ZNF469: variants seen among roughly 807,000 people sequenced by gnomAD.
ZNF469 encodes the protein zinc finger protein 469.
ZNF469 carries 1 observed loss-of-function variant against 1.0 expected under a neutral mutation model. The observed-to-expected ratio is 1.00, with a 90% CI of 0.35 to 4.73. ZNF469 has a LOEUF of 4.73. ZNF469 is among the 30% of genes most tolerant of loss of function. The pLI is 0.16. For synonymous variants in ZNF469, 2,703 were observed against 2,363.4 expected (o/e 1.14, Z -4.17); for missense variants, 6,100 against 5,356.3 (o/e 1.14, Z -4.33).
intron 1 of ZNF469, among the ~76,000 whole-genome samples, chr16:88,407,774 C>T (rs528712714): frequency 3.4e-4 from 52 of 152,374 alleles, no homozygotes; most frequent in African/African-American, 1.1e-3. Context: ...AGTGCTCAGA[C>T]GCTGCCTTCT....
rs1222718768 is a variant in ZNF469 at position 88,439,434 on chromosome 16, T to G, written c.*102T>G. 2 of 1,291,172 alleles carry G rather than the reference T, an allele frequency of 1.5e-6. No individual in the cohort carries two copies. Among genetic ancestry groups the G allele is most frequent in the African/African-American group, 3.0e-5 (2 of 67,708 alleles). 80.0% of individuals were successfully genotyped at this position (1,291,172 alleles called of 1,614,324 possible). The stretch of plus-strand genomic sequence containing the variant: ...TGAGATGGTCCACTCTGTGGCCACT[T>G]GACTTCTTGTGCAACTGCTCAGGCC... On this transcript the variant is annotated 3_prime_UTR_variant, in exon 3 of 3. Transcript: ENST00000565624.
chr16:88,247,530 G>A, the ZNF469 span, among the ~76,000 whole-genome samples: 3 of 152,182 alleles, frequency 2.0e-5, no homozygotes, highest in East Asian at 5.8e-4. Flanking sequence ...GTGAATGAGT[G>A]AGTGAGTGAA....
chr16:88,242,423 T>C, the ZNF469 span, among the ~76,000 whole-genome samples: 75,569 of 151,940 alleles, frequency 0.5, 21,669 homozygotes, highest in African/African-American at 0.78. Flanking sequence ...CGCCTTCTCC[T>C]TGTGACCTCA....
chr16:88,237,677 C>G, the ZNF469 span, among the ~76,000 whole-genome samples: 1 of 27,460 alleles, frequency 3.6e-5, no homozygotes, highest in Non-Finnish European at 8.9e-5. Flanking sequence ...GCTCCTGCCA[C>G]TCACCCTCCC....
At chr16:88,359,743 C>T in the ZNF469 span, among the ~76,000 whole-genome samples, 1 of 152,194 alleles carries the variant, frequency 6.6e-6, no homozygotes, top group Non-Finnish European at 1.5e-5. Flanking sequence ...TACATTATTT[C>T]TTCTTTCTTC....
chr16:88,128,681 T>C, the ZNF469 span, among the ~76,000 whole-genome samples: 2 of 152,236 alleles, frequency 1.3e-5, no homozygotes, highest in Non-Finnish European at 2.9e-5. Flanking sequence ...CTGCTCCCCA[T>C]GACGCTTTGG....
intron 1 of ZNF469, among the ~76,000 whole-genome samples, chr16:88,392,401 G>A (rs6500477): frequency 0.12 from 17,902 of 152,254 alleles, 1,297 homozygotes; most frequent in African/African-American, 0.2. Flanking sequence ...GCCTTCTCAC[G>A]CCTGACAGCC....
the ZNF469 span, among the ~76,000 whole-genome samples, chr16:88,160,752 C>T: frequency 2.0e-5 from 3 of 152,310 alleles, no homozygotes; most frequent in South Asian, 6.2e-4. Context: ...TGCTGCCCGG[C>T]TCTGACATTG....
intron 1 of ZNF469, among the ~76,000 whole-genome samples, chr16:88,396,539 C>T (rs74032810): frequency 0.091 from 13,343 of 147,406 alleles, 467 homozygotes; most frequent in African/African-American, 0.12. Context: ...GAAGGGAGGC[C>T]GGGAGGAGAC....
At position 88,434,956 on chromosome 16, in the gene ZNF469, C is replaced by G; in HGVS notation, c.7486C>G (p.Arg2496Gly). The part of the protein sequence containing the change: ...GLSRHKARKH[R>G]PHPGAPAEPS... ...GAGCCGGCACAAGGCCAGGAAGCAC[C>G]GGCCACACCCGGGAGCCCCCGCGGA... The change falls in exon 3 of 3, where the codon CGG (arginine) becomes GGG (glycine). Residue 2496 changes from arginine to glycine, a missense_variant. Arg to Gly is a moderately radical substitution (Grantham distance 125, BLOSUM62 -2). Transcript: ENST00000565624. 6.5e-7 allele frequency: 1 copy of G among 1,549,850 alleles called. No homozygotes were observed. The highest frequency in any genetic ancestry group is 8.7e-7 in the Non-Finnish European group (1 of 1,146,842).
the ZNF469 span, among the ~76,000 whole-genome samples, chr16:88,280,243 C>T: frequency 6.6e-6 from 1 of 151,642 alleles, no homozygotes; most frequent in Admixed American, 6.6e-5. Flanking sequence ...CCCTGACGCT[C>T]AGTCAGTACT....
chr16:88,434,049 G>A lies in ZNF469; in HGVS notation c.6579G>A (p.Pro2193=), dbSNP rs572828624. 6.5e-5 allele frequency: 100 copies of A among 1,550,280 alleles called. No individual in the cohort carries two copies. The East Asian group carries it at 7.6e-4, about 12-fold the overall frequency. ...ATTDTGAEDS[P]VAPPSLTTSP... ...CAGATACTGGGGCTGAGGATTCCCCGGTGGCTCCCCCGTCTTTGACAACAA... is the reference window on the plus strand; with the variant it reads ...CAGATACTGGGGCTGAGGATTCCCCAGTGGCTCCCCCGTCTTTGACAACAA... The change falls in exon 3 of 3, where the codon CCG becomes CCA. Residue 2193 remains proline, a synonymous_variant. Coordinates refer to ENST00000565624, the MANE Select transcript of ZNF469 (RefSeq NM_001367624.2).
At chr16:88,383,658 T>C (rs1294324401) in intron 1 of ZNF469, among the ~76,000 whole-genome samples, 1 of 150,568 alleles carries the variant, frequency 6.6e-6, no homozygotes, top group Non-Finnish European at 1.5e-5. Context: ...GGCCGCCCCA[T>C]TCATCGCGGA....
Position 88,430,259 on chromosome 16 carries a change from G to T in ZNF469, c.2789G>T (p.Gly930Val), listed in dbSNP as rs564654481. 1 of 1,522,870 alleles carries T rather than the reference G, an allele frequency of 6.6e-7. No individual in the cohort carries two copies. The allele number at this position is 1,522,870 out of a possible 1,614,324, so 94.3% of individuals were successfully genotyped here. A position where few individuals can be genotyped will look rare whatever the true frequency, so the allele number is the denominator to read the frequency against. Reference sequence around the variant, plus strand: ...GGCAGGCCCAAAACGCGTTCCCTGGGTCTGGCCCCCACCGAGGCGGATGCG... The same window carrying T: ...GGCAGGCCCAAAACGCGTTCCCTGGTTCTGGCCCCCACCGAGGCGGATGCG... Reference protein sequence around the residue: ...ARGRPKTRSLGLAPTEADAPS... With the variant: ...ARGRPKTRSLVLAPTEADAPS... The change falls in exon 3 of 3, where the codon GGT becomes GTT. Residue 930 changes from glycine to valine, a missense_variant. By Grantham distance (109) the Gly-to-Val change is moderately radical. Coordinates refer to ENST00000565624, the MANE Select transcript of ZNF469 (RefSeq NM_001367624.2).
At chr16:88,214,503 A>T in the ZNF469 span, among the ~76,000 whole-genome samples, 2 of 150,436 alleles carry the variant, frequency 1.3e-5, no homozygotes, top group Non-Finnish European at 3.0e-5. Flanking sequence ...GTTTTATTTT[A>T]GTTCTTTATT....
Position 88,430,391 on chromosome 16 carries a change from G to C in ZNF469, c.2921G>C (p.Arg974Thr). 2 of 1,518,318 alleles carry C rather than the reference G, an allele frequency of 1.3e-6. No individual in the cohort carries two copies. The highest frequency in any genetic ancestry group is 1.8e-6 in the Non-Finnish European group (2 of 1,137,006). The allele number at this position is 1,518,318 out of a possible 1,614,324, so 94.1% of individuals were successfully genotyped here. ...AEGSGSGGGG[R>T]ASGLRPRRND... ...GGGTCGGGGTCGGGCGGCGGCGGCA[G>C]AGCCTCCGGCCTGAGGCCCCGGAGG... The change falls in exon 3 of 3, where the codon AGA becomes ACA. Residue 974 changes from arginine to threonine, a missense_variant. Coordinates refer to ENST00000565624, the MANE Select transcript of ZNF469 (RefSeq NM_001367624.2).
At chr16:88,118,009 C>A in the ZNF469 span, among the ~76,000 whole-genome samples, 1 of 152,254 alleles carries the variant, frequency 6.6e-6, no homozygotes, top group African/African-American at 2.4e-5. Context: ...GTGGCACGAT[C>A]TCATCTCACC....
the ZNF469 span, among the ~76,000 whole-genome samples, chr16:88,233,230 G>C: frequency 6.6e-6 from 1 of 152,238 alleles, no homozygotes. Context: ...CAGTGCCAGA[G>C]AGCCGTCCCC....
chr16:88,409,887 C>T (rs59320207), intron 1 of ZNF469, among the ~76,000 whole-genome samples: 188 of 5,672 alleles, frequency 0.033, 2 homozygotes, highest in African/African-American at 0.093. Context: ...GGGGGGGGCG[C>T]GGGGCGTTCC....
Sources: allele counts gnomAD v4.1 joint callset (sites outside exome capture counted in the v4.1 genomes callset), GRCh38; gene constraint gnomAD v4.1.1; transcripts MANE v1.5; gene names NCBI Gene and HGNC (gene_info 2026-07-23, HGNC 2026-07-21).